ZBBX: variants seen among roughly 807,000 people sequenced by gnomAD.
ZBBX encodes zinc finger B-box domain-containing protein 1.
Under a neutral mutation model 108.5 loss-of-function variants are expected in ZBBX, and 101 were observed. The ratio of observed to expected loss-of-function variants is 0.93; its 90% confidence interval spans 0.79 to 1.10. The LOEUF (loss-of-function observed/expected upper bound fraction) is 1.10. ZBBX is among the 50% of genes least tolerant of loss of function. The pLI is 0.00. For synonymous variants in ZBBX, 356 were observed against 323.4 expected (o/e 1.10, Z -1.08); for missense variants, 1,009 against 941.4 (o/e 1.07, Z -0.94).
chr3:167,183,333 C>T, the ZBBX span, among the ~76,000 whole-genome samples: 7 of 152,332 alleles, frequency 4.6e-5, no homozygotes, highest in East Asian at 5.8e-4. Flanking sequence ...TAAGAGTACT[C>T]GGGTGTCCTC....
chr3:167,217,332 G>A, the ZBBX span, among the ~76,000 whole-genome samples: 1 of 152,052 alleles, frequency 6.6e-6, no homozygotes, highest in Admixed American at 6.6e-5. Flanking sequence ...CTCAAAGGAA[G>A]ACATACATGA....
chr3:167,333,822 T>C lies in ZBBX; in HGVS notation c.687+5A>G, dbSNP rs912294315. The C allele has an allele frequency of 1.3e-6, 2 of 1,591,742 alleles. No homozygotes were observed. Among genetic ancestry groups the C allele is most frequent in the African/African-American group, 2.7e-5 (2 of 73,640 alleles). ...AAAATGTCTACTATATTTTCCTCAG[T>C]TTACCTCAGAGCTGCTCCTCTGGAG... On this transcript the variant is annotated splice_donor_5th_base_variant and intron_variant, in intron 10 of 21. Transcript: ENST00000675490.
downstream of ZBBX, among the ~76,000 whole-genome samples, chr3:167,239,804 T>C (rs182866210): frequency 6.6e-6 from 1 of 152,232 alleles, no homozygotes; most frequent in African/African-American, 2.4e-5. Context: ...TGTATTAGTC[T>C]GTTCTCACAT....
At chr3:167,190,543 G>A in the ZBBX span, among the ~76,000 whole-genome samples, 1 of 152,080 alleles carries the variant, frequency 6.6e-6, no homozygotes, top group Non-Finnish European at 1.5e-5. Flanking sequence ...ACCACGCCCG[G>A]CTAATTTTTT....
chr3:167,367,197 C>T (rs1745451575), intron 5 of ZBBX, among the ~76,000 whole-genome samples: 1 of 151,890 alleles, frequency 6.6e-6, no homozygotes, highest in Admixed American at 6.6e-5. Flanking sequence ...CATGCACTCT[C>T]ATACACTGTA....
intron 19 of ZBBX, among the ~76,000 whole-genome samples, chr3:167,284,497 C>T (rs186191554): frequency 1.3e-5 from 2 of 152,060 alleles, no homozygotes; most frequent in Admixed American, 6.5e-5. Flanking sequence ...TTTAAAAAAA[C>T]AAACCAAACG....
rs1295581292 is a variant in ZBBX, at chr3:167,248,588, A to T, written c.2255-5945T>A. 3 of 456,530 alleles carry T rather than the reference A, an allele frequency of 6.6e-6. No homozygotes were observed. The East Asian group carries it at 2.1e-4, about 32-fold the overall frequency. The allele number at this position is 456,530 out of a possible 1,614,324, so 28.3% of individuals were successfully genotyped here. On this transcript the variant is annotated intron_variant, in intron 20 of 21. Coordinates refer to ENST00000675490, the MANE Select transcript of ZBBX (RefSeq NM_001199201.2). ...CACATTTGAGACACTCTAAACAGAT[A>T]TAAACAGCCTCTAAAATACCTTTTC...
At chr3:167,240,984 TCTG>T in intron 21 of ZBBX, 65 bp from the exon 22 acceptor site, 9 of 1,571,522 alleles carry the variant, frequency 5.7e-6, no homozygotes, top group Non-Finnish European at 7.8e-6. Context: ...TCATTTATCT[TCTG>T]ATCAATACTA....
At position 167,378,720 on chromosome 3, in the gene ZBBX, C is replaced by T. The variant is rs1747346550; in HGVS notation, c.-132+918G>A. Among the ~76,000 whole-genome samples, 4 of 152,158 alleles carry T rather than the reference C, an allele frequency of 2.6e-5. No individual in the cohort carries two copies. In the South Asian group the frequency reaches 6.2e-4, roughly 24 times the overall value. On this transcript the variant is annotated intron_variant, in intron 2 of 21. Transcript: ENST00000675490. ...AAGAAAATGGAGCATCAAGATTGTG[C>T]TTTACCCTTAGCATCTCTGCTTTCA...
chr3:167,388,658 C>T (rs988891461), intron 1 of ZBBX, among the ~76,000 whole-genome samples: 1 of 151,864 alleles, frequency 6.6e-6, no homozygotes, highest in African/African-American at 2.4e-5. Context: ...GAACACAATC[C>T]AGAATTTAGT....
intron 16 of ZBBX, 28 bp from the exon 17 acceptor site, chr3:167,305,978 T>C (rs781463951): frequency 1.4e-6 from 2 of 1,439,194 alleles, no homozygotes; most frequent in Non-Finnish European, 1.8e-6. Context: ...TTACAAAAGG[T>C]ACATAAATAA....
At chr3:167,353,496 C>A (rs1302768515) in intron 8 of ZBBX, among the ~76,000 whole-genome samples, 1 of 151,882 alleles carries the variant, frequency 6.6e-6, no homozygotes, top group African/African-American at 2.4e-5. Flanking sequence ...ACTGGACACT[C>A]CATACATTGG....
chr3:167,365,989 TA>T lies in ZBBX; in HGVS notation c.183-14del. On this transcript the variant is annotated splice_polypyrimidine_tract_variant and intron_variant, in intron 5 of 21. Coordinates refer to ENST00000675490, the MANE Select transcript of ZBBX (RefSeq NM_001199201.2). ...ATACTCGCTTGACCTTTAATATATATAAACAAGATAAAATGTAATCACTAAA... is the reference window on the plus strand; with the variant it reads ...ATACTCGCTTGACCTTTAATATATATAACAAGATAAAATGTAATCACTAAA... 6.4e-7 allele frequency: 1 copy of T among 1,562,462 alleles called. No homozygotes were observed. Among genetic ancestry groups the T allele is most frequent in the Non-Finnish European group, 8.8e-7 (1 of 1,139,788 alleles).
chr3:167,186,891 A>G, the ZBBX span, among the ~76,000 whole-genome samples: 1 of 152,158 alleles, frequency 6.6e-6, no homozygotes, highest in African/African-American at 2.4e-5. Context: ...AGGTATTAAA[A>G]TGTGTGTCAT....
rs564399304 is a variant in ZBBX, at chr3:167,275,026, T to A, written c.2254+7212A>T. ...CATCGGAAATTCATTTATAATAAGT[T>A]CAACTTAATATTTTTGTGGTGGAAA... On this transcript the variant is annotated intron_variant, in intron 20 of 21. Transcript: ENST00000675490. Among the ~76,000 whole-genome samples the A allele has an allele frequency of 2.6e-5, 4 of 152,330 alleles. No individual in the cohort carries two copies. The South Asian group carries it at 8.3e-4, about 32-fold the overall frequency.
intron 18 of ZBBX, among the ~76,000 whole-genome samples, chr3:167,292,893 A>C (rs1402029752): frequency 7.9e-5 from 12 of 152,238 alleles, no homozygotes; most frequent in Non-Finnish European, 1.8e-4. Flanking sequence ...ACAGACATAC[A>C]AACTACCATC....
At chr3:167,374,266 T>C (rs934083763) in intron 2 of ZBBX, among the ~76,000 whole-genome samples, 2 of 152,130 alleles carry the variant, frequency 1.3e-5, no homozygotes, top group African/African-American at 4.8e-5. Flanking sequence ...GAAATTAGCA[T>C]ATTTTAGAAA....
chr3:167,393,266 G>A (rs1748133518), intron 1 of ZBBX, among the ~76,000 whole-genome samples: 1 of 151,706 alleles, frequency 6.6e-6, no homozygotes, highest in Admixed American at 6.6e-5. Context: ...GAAACCCTAA[G>A]TAAAAGGAAA....
chr3:167,360,582 C>T (rs536173751), intron 7 of ZBBX, 93 bp downstream of exon 7: 8 of 724,076 alleles, frequency 1.1e-5, no homozygotes, highest in South Asian at 1.1e-4. Flanking sequence ...TTATACTGCC[C>T]GGACAATTCT....
Sources: gnomAD v4.1 joint callset for allele counts (sites outside exome capture counted in the v4.1 genomes callset) on GRCh38, gnomAD v4.1.1 for gene constraint, MANE v1.5 for transcripts, NCBI Gene and HGNC (gene_info 2026-07-23, HGNC 2026-07-21) for gene names.